DNAH9: variants seen among roughly 807,000 people sequenced by gnomAD.
DNAH9 encodes dynein axonemal heavy chain 9.
A neutral mutation model predicts 471.6 loss-of-function variants in DNAH9; 345 were observed. The ratio of observed to expected loss-of-function variants is 0.73; its 90% CI spans 0.67 to 0.80. DNAH9 has a LOEUF of 0.80. Among genes scored for constraint, DNAH9 ranks in the 30% least tolerant of loss-of-function variants. The pLI is 0.00. For synonymous variants in DNAH9, 2,093 were observed against 2,123.6 expected, an observed-to-expected ratio of 0.99 and a Z score of 0.40; for missense variants, 5,407 against 5,609.2, an observed-to-expected ratio of 0.96 and a Z score of 1.15.
intron 35 of DNAH9, among the ~76,000 whole-genome samples, chr17:11,762,770 G>GTTTGTTTGTTTTTTTT (rs1193246497): frequency 8.8e-5 from 8 of 90,796 alleles, no homozygotes; most frequent in Admixed American, 1.4e-4. Context: ...TTTTTTTTTT[G>GTTTGTTTGTTTTTTTT]TTTTTTTTTT....
At chr17:11,806,071 C>T (rs1298624009) in intron 43 of DNAH9, among the ~76,000 whole-genome samples, 3 of 152,194 alleles carry the variant, frequency 2.0e-5, no homozygotes, top group African/African-American at 7.2e-5. Context: ...CCCAAATCAC[C>T]AATACCTGTT....
chr17:11,771,824 A>G (rs1401772939), intron 38 of DNAH9, among the ~76,000 whole-genome samples: 2 of 152,210 alleles, frequency 1.3e-5, no homozygotes, highest in Non-Finnish European at 2.9e-5. Context: ...AACAACTGAC[A>G]TTTATCAAAG....
chr17:11,922,623 A>G (rs1974173214), intron 61 of DNAH9, among the ~76,000 whole-genome samples: 1 of 152,158 alleles, frequency 6.6e-6, no homozygotes, highest in Non-Finnish European at 1.5e-5. Flanking sequence ...AGCAACCCTT[A>G]TATACATCCA....
At chr17:11,964,453 C>A (rs1352539825) in intron 68 of DNAH9, among the ~76,000 whole-genome samples, 1 of 152,132 alleles carries the variant, frequency 6.6e-6, no homozygotes, top group Non-Finnish European at 1.5e-5. Context: ...ATAAAAACTT[C>A]CCCAAAATCA....
At chr17:11,695,962 T>G (rs1271163574) in intron 22 of DNAH9, among the ~76,000 whole-genome samples, 1 of 152,236 alleles carries the variant, frequency 6.6e-6, no homozygotes, top group African/African-American at 2.4e-5. Context: ...TACATGTTTA[T>G]TTGATTGTTT....
intron 28 of DNAH9, among the ~76,000 whole-genome samples, chr17:11,731,087 TGGTG>T (rs1028099858): frequency 2.9e-5 from 2 of 69,184 alleles, no homozygotes; most frequent in African/African-American, 1.0e-4. Flanking sequence ...GTGATGATGA[TGGTG>T]GGGGTGATGG....
intron 30 of DNAH9, among the ~76,000 whole-genome samples, chr17:11,743,260 A>G (rs1415636497): frequency 1.3e-5 from 2 of 152,122 alleles, no homozygotes; most frequent in Non-Finnish European, 2.9e-5. Flanking sequence ...TTAGCCCTAT[A>G]TATAATTTTA....
At chr17:11,627,421 A>G (rs536404814) in intron 6 of DNAH9, among the ~76,000 whole-genome samples, 1 of 152,214 alleles carries the variant, frequency 6.6e-6, no homozygotes, top group South Asian at 2.1e-4. Flanking sequence ...AATGGTACGA[A>G]GTATTTCCTA....
At chr17:11,900,134 T>C (rs917839384) in intron 59 of DNAH9, among the ~76,000 whole-genome samples, 1 of 149,136 alleles carries the variant, frequency 6.7e-6, no homozygotes, top group East Asian at 2.0e-4. Flanking sequence ...TAAAACAGGC[T>C]CCAAGTCCAC....
At chr17:11,808,977 T>C (rs968731751) in intron 44 of DNAH9, among the ~76,000 whole-genome samples, 1 of 152,168 alleles carries the variant, frequency 6.6e-6, no homozygotes, top group African/African-American at 2.4e-5. Context: ...GACACTAAGG[T>C]AGCTCTGTGG....
chr17:11,756,274 CAAAAA>C (rs5819339), intron 33 of DNAH9, among the ~76,000 whole-genome samples: 3 of 135,644 alleles, frequency 2.2e-5, no homozygotes, highest in African/African-American at 2.8e-5. Context: ...GAGACTCTGT[CAAAAA>C]AAAAAAAAAA....
intron 49 of DNAH9, among the ~76,000 whole-genome samples, chr17:11,849,029 G>C (rs1463491744): frequency 6.6e-6 from 1 of 152,064 alleles, no homozygotes; most frequent in Admixed American, 6.6e-5. Context: ...GTAGAGACAG[G>C]GTTTCACCGT....
chr17:11,651,038 G>A lies in DNAH9; in HGVS notation c.2098-31G>A, dbSNP rs367570611. 1.0e-5 allele frequency: 16 copies of A among 1,604,550 alleles called. No individual in the cohort carries two copies. In the East Asian group the frequency reaches 2.2e-4, roughly 22 times the overall value. On this transcript the variant is annotated intron_variant, in intron 12 of 68. Coordinates refer to ENST00000262442, the MANE Select transcript of DNAH9 (RefSeq NM_001372.4). ...TGCAGATTATTCATTATCACTGAAC[G>A]ACAGACACTTGTGTTGCTTCTTTTC...
intron 1 of DNAH9, among the ~76,000 whole-genome samples, chr17:11,604,249 C>T (rs1273803114): frequency 6.6e-6 from 1 of 152,066 alleles, no homozygotes; most frequent in Non-Finnish European, 1.5e-5. Flanking sequence ...GTCTCAAACT[C>T]CTGACCTCGT....
chr17:11,963,121 C>T (rs1976373048), intron 68 of DNAH9, among the ~76,000 whole-genome samples: 1 of 142,066 alleles, frequency 7.0e-6, no homozygotes, highest in Non-Finnish European at 1.6e-5. Flanking sequence ...ACCCTAAATC[C>T]AATGACCAGT....
chr17:11,796,194 C>T (rs1969231591), intron 42 of DNAH9, among the ~76,000 whole-genome samples: 1 of 152,172 alleles, frequency 6.6e-6, no homozygotes, highest in Admixed American at 6.5e-5. Flanking sequence ...TGGTTTTTGT[C>T]AATTGACTAA....
chr17:11,665,073 A>C, intron 15 of DNAH9, 105 bp downstream of exon 15: 1 of 975,534 alleles, frequency 1.0e-6, no homozygotes. Flanking sequence ...CTTTTCCCAA[A>C]ACGTTGTAGA....
At chr17:11,814,250 T>C (rs62063198) in intron 45 of DNAH9, among the ~76,000 whole-genome samples, 1 of 152,018 alleles carries the variant, frequency 6.6e-6, no homozygotes, top group African/African-American at 2.4e-5. Context: ...ATCAGAATTA[T>C]TCCCTGGCTT....
chr17:11,634,891 C>T (rs113352356), intron 8 of DNAH9, among the ~76,000 whole-genome samples: 1,658 of 152,136 alleles, frequency 0.011, 37 homozygotes, highest in African/African-American at 0.038. Flanking sequence ...CTAGAGCTTG[C>T]ACTCCCTCCA....
Sources: allele counts gnomAD v4.1 joint callset (sites outside exome capture counted in the v4.1 genomes callset), GRCh38; gene constraint gnomAD v4.1.1; transcripts MANE v1.5; gene names NCBI Gene and HGNC (gene_info 2026-07-23, HGNC 2026-07-21).